FER1L6: variants seen among roughly 807,000 people sequenced by gnomAD.
FER1L6 encodes the protein fer-1 like family member 6, also known as fer-1-like protein 6.
In FER1L6, 177 loss-of-function variants were observed where a neutral mutation model predicts 219.2. That is an observed-to-expected ratio of 0.81 (90% CI 0.71 to 0.91). FER1L6 has a LOEUF of 0.91. FER1L6 is among the 40% of genes least tolerant of loss of function. The pLI, the probability that FER1L6 is intolerant of heterozygous loss-of-function variation, is 0.00. For missense variants in FER1L6, 2,153 were observed against 2,259.9 expected, an observed-to-expected ratio of 0.95 and a Z score of 0.96; for synonymous variants, 768 against 824.3, an observed-to-expected ratio of 0.93 and a Z score of 1.17.
At chr8:124,069,319 C>T (rs1175159596) in intron 28 of FER1L6, 41 bp from the exon 29 acceptor site, 3 of 1,449,178 alleles carry the variant, frequency 2.1e-6, no homozygotes, top group South Asian at 2.3e-5. Context: ...CTTCTCATCT[C>T]AACCGCCATG....
chr8:123,905,652 C>T (rs1176575436), intron 1 of FER1L6, among the ~76,000 whole-genome samples: 1 of 152,148 alleles, frequency 6.6e-6, no homozygotes, highest in Non-Finnish European at 1.5e-5. Context: ...GAACAAAGTA[C>T]TTCATCTGTC....
intron 20 of FER1L6, among the ~76,000 whole-genome samples, chr8:124,041,067 T>C (rs1819466094): frequency 6.6e-6 from 1 of 152,220 alleles, no homozygotes; most frequent in Non-Finnish European, 1.5e-5. Flanking sequence ...CTCATTAGAT[T>C]CTGTTCTTTA....
intron 1 of FER1L6, among the ~76,000 whole-genome samples, chr8:123,939,905 C>T (rs1049281427): frequency 1.3e-5 from 2 of 152,190 alleles, no homozygotes; most frequent in Non-Finnish European, 2.9e-5. Flanking sequence ...TTCTTCCTCA[C>T]ATAGCTACAA....
rs1035645320 is a variant in FER1L6, at chr8:123,853,801, G to A, written c.-8+1616G>A. ...ACAGAGGCTGGTTTTCACTGAGAACGATGTAAGAAGGAACAACATCGCGGC... is the reference window on the plus strand; with the variant it reads ...ACAGAGGCTGGTTTTCACTGAGAACAATGTAAGAAGGAACAACATCGCGGC... On this transcript the variant is annotated intron_variant, in intron 1 of 40. Coordinates refer to ENST00000522917, the MANE Select transcript of FER1L6 (RefSeq NM_001039112.2). The surrounding 1 kb of genome is among the most constrained non-coding windows in gnomAD (Gnocchi z 6.6). Among the ~76,000 whole-genome samples, 12 of 152,214 alleles carry A rather than the reference G, an allele frequency of 7.9e-5. No individual in the cohort carries two copies. The highest frequency in any genetic ancestry group is 2.0e-4 in the Admixed American group (3 of 15,280).
chr8:124,064,265 GT>G, intron 25 of FER1L6, 81 bp from the exon 26 acceptor site: 1 of 1,050,002 alleles, frequency 9.5e-7, no homozygotes. Context: ...ATCCGAATCT[GT>G]CTGATTCCTA....
chr8:123,888,003 G>A (rs1817236822), intron 1 of FER1L6, among the ~76,000 whole-genome samples: 1 of 152,158 alleles, frequency 6.6e-6, no homozygotes, highest in African/African-American at 2.4e-5. Flanking sequence ...ACTGTTTCAA[G>A]TTAGACATTC....
rs771359456 is a variant in FER1L6 at position 124,111,762 on chromosome 8, G to A, written c.5290-7082G>A. Among the ~76,000 whole-genome samples, 8 of 152,196 alleles carry A rather than the reference G, an allele frequency of 5.3e-5. No homozygotes were observed. The East Asian group carries it at 9.7e-4, about 18-fold the overall frequency. On this transcript the variant is annotated intron_variant, in intron 39 of 40. Coordinates refer to ENST00000522917, the MANE Select transcript of FER1L6 (RefSeq NM_001039112.2). This position sits in a 1 kb window ranked among gnomAD's most constrained non-coding sequence, Gnocchi z 5.0. ...CAGAGGTCACTCTTGTTCTCTGGTC[G>A]GTGGGTTTTGGCCGGCTTCTTTACT...
In FER1L6 at chr8:124,049,702, CT is replaced by C; in HGVS notation, c.2824del (p.Cys942ValfsTer48). The C allele has an allele frequency of 1.2e-6, 2 of 1,614,090 alleles. No individual in the cohort carries two copies. Among genetic ancestry groups the C allele is most frequent in the Admixed American group, 1.7e-5 (1 of 60,026 alleles). On this transcript the variant is annotated frameshift_variant, in exon 22 of 41. Coordinates refer to ENST00000522917, the MANE Select transcript of FER1L6 (RefSeq NM_001039112.2). LOFTEE classifies it high-confidence loss of function. ...EPPRLCYHPI[F>X]CGNLSGGDLL... ...CCCCCAGGTTATGCTATCACCCCAT[CT>C]TTTGTGGGAATCTCTCTGGAGGGGA...
At chr8:123,983,137 A>C (rs1187262017) in intron 11 of FER1L6, among the ~76,000 whole-genome samples, 1 of 152,212 alleles carries the variant, frequency 6.6e-6, no homozygotes, top group Non-Finnish European at 1.5e-5. Context: ...TGAACAGCTC[A>C]TGGCTCACCC....
chr8:123,911,471 A>T (rs1486631780), intron 1 of FER1L6, among the ~76,000 whole-genome samples: 1 of 152,104 alleles, frequency 6.6e-6, no homozygotes, highest in Non-Finnish European at 1.5e-5. Flanking sequence ...TATTACCCCC[A>T]CTTTACTCAT....
chr8:123,912,107 G>A (rs1383305767), intron 1 of FER1L6, among the ~76,000 whole-genome samples: 4 of 152,090 alleles, frequency 2.6e-5, no homozygotes, highest in African/African-American at 9.7e-5. Flanking sequence ...TCATCAAAGT[G>A]GGAGCTGGGA....
At chr8:123,908,281 A>C (rs1447372704) in intron 1 of FER1L6, among the ~76,000 whole-genome samples, 2 of 152,238 alleles carry the variant, frequency 1.3e-5, no homozygotes, top group Admixed American at 1.3e-4. Context: ...TTTAATCCTC[A>C]CCTGGGGGTG....
At position 124,111,883 on chromosome 8, in the gene FER1L6, C is replaced by G. The variant is rs530013935; in HGVS notation, c.5290-6961C>G. Among the ~76,000 whole-genome samples the G allele has an allele frequency of 6.6e-6, 1 of 152,270 alleles. No individual in the cohort carries two copies. The highest frequency in any genetic ancestry group is 1.9e-4 in the East Asian group (1 of 5,180). ...TAGAATGCCTTAACCGTCGGGAATG[C>G]AGCCCAGTAGGTCTCAGCTCCATTG... On this transcript the variant is annotated intron_variant, in intron 39 of 40. Coordinates refer to ENST00000522917, the MANE Select transcript of FER1L6 (RefSeq NM_001039112.2). The surrounding 1 kb of genome is among the most constrained non-coding windows in gnomAD (Gnocchi z 5.0).
chr8:124,038,818 G>A (rs76422121), intron 19 of FER1L6, among the ~76,000 whole-genome samples: 3,300 of 152,216 alleles, frequency 0.022, 116 homozygotes, highest in African/African-American at 0.074. Flanking sequence ...ACTAAGTAGC[G>A]TTATTCAAGT....
intron 30 of FER1L6, 59 bp from the exon 31 acceptor site, chr8:124,071,447 T>C (rs1821065356): frequency 6.2e-7 from 1 of 1,601,446 alleles, no homozygotes; most frequent in East Asian, 2.2e-5. Context: ...GTGCTCTCTG[T>C]GGGTTTTGGT....
At chr8:124,105,892 A>C (rs1332906037) in intron 39 of FER1L6, among the ~76,000 whole-genome samples, 2 of 152,206 alleles carry the variant, frequency 1.3e-5, no homozygotes, top group African/African-American at 4.8e-5. Context: ...AAGTGAAAGA[A>C]GCCTGTCTTG....
intron 1 of FER1L6, among the ~76,000 whole-genome samples, chr8:123,904,947 T>C (rs890742348): frequency 2.6e-5 from 4 of 152,222 alleles, no homozygotes; most frequent in African/African-American, 9.6e-5. Context: ...ATTTACACCA[T>C]GGAAATTGGC....
rs190246510 is a variant in FER1L6, at chr8:124,027,538, G to A, written c.2286+3942G>A. Among the ~76,000 whole-genome samples the A allele has an allele frequency of 8.6e-5, 13 of 150,778 alleles. No homozygotes were observed. In the East Asian group the frequency reaches 2.3e-3, roughly 27 times the overall value. On this transcript the variant is annotated intron_variant, in intron 18 of 40. Transcript: ENST00000522917. ...TCCAGCGAGTTGTCTGAGGCTCTCCGTGTTATTTTCTGTCATGTATGTAAA... is the reference window on the plus strand; with the variant it reads ...TCCAGCGAGTTGTCTGAGGCTCTCCATGTTATTTTCTGTCATGTATGTAAA...
intron 3 of FER1L6, among the ~76,000 whole-genome samples, chr8:123,963,986 G>T (rs747902622): frequency 6.6e-5 from 10 of 152,198 alleles, no homozygotes; most frequent in Non-Finnish European, 1.3e-4. Context: ...CTGCTGGTTA[G>T]TTTAGGAGTT....
Sources: allele counts gnomAD v4.1 joint callset (sites outside exome capture counted in the v4.1 genomes callset), GRCh38; gene constraint gnomAD v4.1.1; non-coding constraint Gnocchi (gnomAD v3.1); transcripts MANE v1.5; gene names NCBI Gene and HGNC (gene_info 2026-07-23, HGNC 2026-07-21).